Variants in TMEM178B observed in about 807,000 individuals in gnomAD.
TMEM178B encodes transmembrane protein 178B.
TMEM178B carries 5 observed loss-of-function variants against 31.0 expected under a neutral mutation model. The observed-to-expected ratio is 0.16, with a 90% CI of 0.08 to 0.34. The LOEUF (loss-of-function observed/expected upper bound fraction) is 0.34, where lower values mean the gene tolerates loss of function less well. TMEM178B is among the 10% of genes least tolerant of loss of function. TMEM178B has a pLI of 1.00. For synonymous variants in TMEM178B, 164 were observed against 164.0 expected (o/e 1.00, Z 0.00); for missense variants, 275 against 400.3 (o/e 0.69, Z 2.67).
At chr7:141,218,857 G>A (rs940603676) in intron 2 of TMEM178B, among the ~76,000 whole-genome samples, 1 of 152,096 alleles carries the variant, frequency 6.6e-6, no homozygotes, top group Non-Finnish European at 1.5e-5. Flanking sequence ...CCCTTTCCCA[G>A]TGGACTCAGC....
chr7:141,126,120 G>A (rs568103277), intron 1 of TMEM178B, among the ~76,000 whole-genome samples: 1 of 152,256 alleles, frequency 6.6e-6, no homozygotes, highest in Admixed American at 6.5e-5. Flanking sequence ...TTTGGTAGGA[G>A]TTCGGAGAAA....
chr7:141,241,590 CAAAAAAAA>C (rs766018973), intron 2 of TMEM178B, among the ~76,000 whole-genome samples: 1 of 75,962 alleles, frequency 1.3e-5, no homozygotes, highest in Admixed American at 1.5e-4. Flanking sequence ...GACTTCGTCT[CAAAAAAAA>C]AAAAAAAAAA....
At chr7:141,231,654 G>A (rs993148007) in intron 2 of TMEM178B, among the ~76,000 whole-genome samples, 4 of 152,312 alleles carry the variant, frequency 2.6e-5, no homozygotes, top group African/African-American at 9.6e-5. Flanking sequence ...CTGCAAGGTG[G>A]AGACTTGCTG....
At chr7:141,100,663 C>A (rs1795041457) in intron 1 of TMEM178B, among the ~76,000 whole-genome samples, 1 of 152,228 alleles carries the variant, frequency 6.6e-6, no homozygotes, top group African/African-American at 2.4e-5. Context: ...AGACTCTTTG[C>A]TCTGAGGCTT....
chr7:141,511,278 C>T, the TMEM178B span, among the ~76,000 whole-genome samples: 3 of 13,262 alleles, frequency 2.3e-4, no homozygotes, highest in African/African-American at 9.4e-4. Flanking sequence ...AGAGAAGTCT[C>T]AGATGTGGCC....
the TMEM178B span, among the ~76,000 whole-genome samples, chr7:141,493,266 G>C: frequency 1.3e-5 from 2 of 152,202 alleles, no homozygotes; most frequent in African/African-American, 4.8e-5. Flanking sequence ...AGAGACAGGT[G>C]GTTGTTAGAG....
chr7:141,487,499 G>T, the TMEM178B span, among the ~76,000 whole-genome samples: 3 of 152,044 alleles, frequency 2.0e-5, no homozygotes, highest in Non-Finnish European at 4.4e-5. Context: ...CAGCACTTTG[G>T]GAGGCCGAGG....
At chr7:141,207,207 A>T (rs1030478568) in intron 1 of TMEM178B, among the ~76,000 whole-genome samples, 13 of 152,188 alleles carry the variant, frequency 8.5e-5, no homozygotes, top group Admixed American at 7.9e-4. Flanking sequence ...CTGCTGATGG[A>T]CATTTAGGTT....
rs1298136359 is a variant in TMEM178B, at chr7:141,430,290, G to A, written c.497-7318G>A. 3 of 152,216 alleles carry A rather than the reference G, an allele frequency of 2.0e-5. No homozygotes were observed. The East Asian group carries it at 5.8e-4, about 29-fold the overall frequency. 9.4% of individuals were successfully genotyped at this position (152,216 alleles called of 1,614,324 possible). ...CCCAACATGTTACTCAGCACCTTAT[G>A]TGCTCATGTATGGCAAATTCGGGGG... is the stretch of plus-strand genomic sequence containing the variant. On this transcript the variant is annotated intron_variant, in intron 2 of 3. Transcript: ENST00000565468.
At chr7:141,358,305 T>G (rs1454321104) in intron 2 of TMEM178B, among the ~76,000 whole-genome samples, 1 of 152,200 alleles carries the variant, frequency 6.6e-6, no homozygotes, top group Non-Finnish European at 1.5e-5. Flanking sequence ...TGCTCCCCGC[T>G]TCTTTATTTG....
intron 2 of TMEM178B, among the ~76,000 whole-genome samples, chr7:141,369,697 G>A (rs1193170822): frequency 6.6e-6 from 1 of 152,164 alleles, no homozygotes; most frequent in Non-Finnish European, 1.5e-5. Flanking sequence ...AATACATTCT[G>A]CCACTTTCAC....
chr7:141,508,772 A>G, the TMEM178B span, among the ~76,000 whole-genome samples: 2 of 152,300 alleles, frequency 1.3e-5, no homozygotes, highest in African/African-American at 4.8e-5. Context: ...ATCGCACAGG[A>G]AAGACTGGCC....
chr7:141,168,521 T>G (rs1586806233), intron 1 of TMEM178B, among the ~76,000 whole-genome samples: 1 of 152,282 alleles, frequency 6.6e-6, no homozygotes, highest in South Asian at 2.1e-4. Flanking sequence ...CCTGTAATCC[T>G]AGCACTTTGG....
intron 2 of TMEM178B, among the ~76,000 whole-genome samples, chr7:141,409,779 C>T (rs1800948013): frequency 1.3e-5 from 2 of 151,110 alleles, no homozygotes; most frequent in Admixed American, 6.6e-5. Flanking sequence ...CTTGATATTC[C>T]ATCAGGAAAG....
chr7:141,240,949 A>G (rs1357562749), intron 2 of TMEM178B, among the ~76,000 whole-genome samples: 1 of 150,256 alleles, frequency 6.7e-6, no homozygotes, highest in Non-Finnish European at 1.5e-5. Context: ...AGCCCCCATG[A>G]GTGGAGGTTC....
chr7:141,470,675 C>G lies in TMEM178B; in HGVS notation c.774C>G (p.Gly258=), dbSNP rs764363466. 1.3e-5 allele frequency: 20 copies of G among 1,535,662 alleles called. No individual in the cohort carries two copies. Among genetic ancestry groups the G allele is most frequent in the Admixed American group, 2.0e-5 (1 of 50,942 alleles). The change falls in exon 4 of 4, where the codon GGC becomes GGG. Residue 258 remains glycine (G), a synonymous_variant. Coordinates refer to ENST00000565468, the MANE Select transcript of TMEM178B (RefSeq NM_001195278.2). The part of the protein sequence containing the change: ...YGWSMFCAWG[G]LGLTLISGFF... ...GGTCCATGTTCTGTGCATGGGGGGG[C>G]CTGGGCCTCACACTCATCTCGGGAT...
intron 1 of TMEM178B, among the ~76,000 whole-genome samples, chr7:141,093,124 AG>A (rs1318706792): frequency 6.6e-6 from 1 of 152,212 alleles, no homozygotes; most frequent in Non-Finnish European, 1.5e-5. Context: ...ATGGCTCAAA[AG>A]GATCCCTTGG....
chr7:141,290,574 C>T (rs1450069633), intron 2 of TMEM178B, among the ~76,000 whole-genome samples: 4 of 152,188 alleles, frequency 2.6e-5, no homozygotes, highest in Non-Finnish European at 5.9e-5. Flanking sequence ...CACGCACACA[C>T]ACGTGCATGC....
intron 2 of TMEM178B, among the ~76,000 whole-genome samples, chr7:141,295,804 C>G (rs1050920458): frequency 1.4e-4 from 22 of 152,134 alleles, no homozygotes; most frequent in African/African-American, 5.3e-4. Flanking sequence ...GGTGAAAGAG[C>G]AGAGAGGGAA....
Sources: gnomAD v4.1 joint callset for allele counts (sites outside exome capture counted in the v4.1 genomes callset) on GRCh38, gnomAD v4.1.1 for gene constraint, MANE v1.5 for transcripts, NCBI Gene and HGNC (gene_info 2026-07-23, HGNC 2026-07-21) for gene names.